The following NALF1 variants were observed in gnomAD, a reference collection of about 807,000 sequenced individuals.
The protein encoded by NALF1 is family with sequence similarity 155 member A.
Under a neutral mutation model 48.4 loss-of-function variants are expected in NALF1, and 3 were observed. The observed-to-expected ratio is 0.06, with a 90% CI of 0.03 to 0.16. NALF1 has a LOEUF of 0.16. Among genes scored for constraint, NALF1 ranks in the 10% least tolerant of loss-of-function variants. The pLI, the probability that NALF1 is intolerant of heterozygous loss-of-function variation, is 1.00. For synonymous variants in NALF1, 262 were observed against 245.7 expected (o/e 1.07, Z -0.62); for missense variants, 526 against 571.5 (o/e 0.92, Z 0.81).
intron 1 of NALF1, among the ~76,000 whole-genome samples, chr13:107,227,594 T>C (rs919616588): frequency 2.0e-5 from 3 of 152,238 alleles, no homozygotes; most frequent in Non-Finnish European, 4.4e-5. Context: ...TACTGGTGAT[T>C]TTTATGCCTT....
chr13:107,701,429 C>T (rs1410637669), intron 1 of NALF1, among the ~76,000 whole-genome samples: 1 of 152,038 alleles, frequency 6.6e-6, no homozygotes, highest in East Asian at 1.9e-4. Flanking sequence ...ATTGCATAAT[C>T]TCACTTCAAT....
At chr13:107,535,664 T>C (rs1251339260) in intron 1 of NALF1, among the ~76,000 whole-genome samples, 3 of 152,150 alleles carry the variant, frequency 2.0e-5, no homozygotes, top group East Asian at 3.9e-4. Flanking sequence ...AGGTAATTTA[T>C]AGATTTAATG....
In NALF1 at chr13:107,785,496, A is replaced by G. The variant is rs566875564; in HGVS notation, c.915+80186T>C. The stretch of plus-strand genomic sequence containing the variant: ...GTTTTCACTAGGTGGGAGCTAAGCT[A>G]TGAGGATGCAAAGGCATAAGAATGA... On this transcript the variant is annotated intron_variant, in intron 1 of 2. Transcript: ENST00000375915. Among the ~76,000 whole-genome samples the G allele has an allele frequency of 3.9e-4, 59 of 152,314 alleles. No individual in the cohort carries two copies. In the South Asian group the frequency reaches 3.9e-3, roughly 10 times the overall value.
At chr13:107,360,952 G>C (rs1883050562) in intron 1 of NALF1, among the ~76,000 whole-genome samples, 1 of 151,828 alleles carries the variant, frequency 6.6e-6, no homozygotes, top group Non-Finnish European at 1.5e-5. Context: ...TTAATTCACT[G>C]ATTGCTTATC....
chr13:107,782,585 T>C (rs1019026022), intron 1 of NALF1, among the ~76,000 whole-genome samples: 5 of 147,846 alleles, frequency 3.4e-5, no homozygotes, highest in Admixed American at 6.7e-5. Flanking sequence ...TCTGCCCGGC[T>C]GCCATCCCAT....
At chr13:107,180,448 A>G (rs1447895140) in intron 2 of NALF1, among the ~76,000 whole-genome samples, 2 of 152,098 alleles carry the variant, frequency 1.3e-5, no homozygotes, top group African/African-American at 4.8e-5. Flanking sequence ...ATTTTGACAT[A>G]GAGTCCAAGA....
intron 1 of NALF1, among the ~76,000 whole-genome samples, chr13:107,501,528 C>A (rs946153127): frequency 2.6e-5 from 4 of 152,142 alleles, no homozygotes; most frequent in African/African-American, 9.7e-5. Context: ...GATCTGCTTT[C>A]ACAGTGTCAA....
intron 1 of NALF1, among the ~76,000 whole-genome samples, chr13:107,805,589 C>T (rs1176981594): frequency 6.6e-6 from 1 of 152,080 alleles, no homozygotes; most frequent in Non-Finnish European, 1.5e-5. Flanking sequence ...ATGACCCTTG[C>T]TTTATTCCAT....
intron 1 of NALF1, among the ~76,000 whole-genome samples, chr13:107,407,670 C>T (rs1366426457): frequency 1.3e-5 from 2 of 151,838 alleles, no homozygotes; most frequent in Admixed American, 1.3e-4. Flanking sequence ...TAAATGGAAC[C>T]TACCTGGAGA....
At chr13:107,231,661 G>A (rs971770508) in intron 1 of NALF1, among the ~76,000 whole-genome samples, 8 of 152,156 alleles carry the variant, frequency 5.3e-5, no homozygotes, top group Non-Finnish European at 2.9e-5. Flanking sequence ...CTATTTTTGA[G>A]CTACGCAAAA....
intron 1 of NALF1, among the ~76,000 whole-genome samples, chr13:107,575,473 G>A (rs1878113339): frequency 6.6e-6 from 1 of 152,074 alleles, no homozygotes; most frequent in Non-Finnish European, 1.5e-5. Context: ...CCCTGACCTG[G>A]TTCTTCTATA....
At chr13:107,830,262 T>C (rs541751910) in intron 1 of NALF1, among the ~76,000 whole-genome samples, 90 of 152,348 alleles carry the variant, frequency 5.9e-4, no homozygotes, top group Admixed American at 3.6e-3. Context: ...ACTGTATCCT[T>C]CGTTCCTTTA....
chr13:107,271,885 T>C (rs73584907), intron 1 of NALF1, among the ~76,000 whole-genome samples: 11,352 of 148,430 alleles, frequency 0.076, 523 homozygotes, highest in African/African-American at 0.1. Context: ...CAAACTATGC[T>C]TTGTCGAGGA....
At chr13:107,856,135 G>C (rs1880436129) in intron 1 of NALF1, among the ~76,000 whole-genome samples, 1 of 152,152 alleles carries the variant, frequency 6.6e-6, no homozygotes, top group African/African-American at 2.4e-5. Flanking sequence ...TCAAACTCCT[G>C]AACTCAAGCG....
chr13:107,428,447 A>G (rs990590838), intron 1 of NALF1, among the ~76,000 whole-genome samples: 1 of 152,144 alleles, frequency 6.6e-6, no homozygotes, highest in Non-Finnish European at 1.5e-5. Flanking sequence ...ATCTGTAAAA[A>G]GTTGTTCTCT....
At chr13:107,625,422 T>C (rs1480039278) in intron 1 of NALF1, among the ~76,000 whole-genome samples, 1 of 152,086 alleles carries the variant, frequency 6.6e-6, no homozygotes, top group Non-Finnish European at 1.5e-5. Flanking sequence ...TTAATGTAGA[T>C]GTTATTATTA....
In NALF1 at chr13:107,809,072, G is replaced by A. The variant is rs61967471; in HGVS notation, c.915+56610C>T. Among the ~76,000 whole-genome samples, 844 of 152,120 alleles carry A rather than the reference G, an allele frequency of 5.5e-3. 6 individuals carry two copies. The highest frequency in any genetic ancestry group is 9.4e-3 in the Non-Finnish European group (637 of 67,980). On this transcript the variant is annotated intron_variant, in intron 1 of 2. Transcript: ENST00000375915. The stretch of plus-strand genomic sequence containing the variant: ...CACTCTAGAAATCCGAGCCACCGGA[G>A]TCACTTTGACTCAGGGAAGCAGATT...
At chr13:107,542,307 T>A (rs1441914512) in intron 1 of NALF1, among the ~76,000 whole-genome samples, 1 of 151,454 alleles carries the variant, frequency 6.6e-6, no homozygotes, top group Non-Finnish European at 1.5e-5. Context: ...AGTAGGTGAG[T>A]GGTTGCTTCA....
intron 1 of NALF1, among the ~76,000 whole-genome samples, chr13:107,702,249 C>G (rs1455837628): frequency 7.5e-6 from 1 of 133,772 alleles, no homozygotes; most frequent in Non-Finnish European, 1.7e-5. Flanking sequence ...TCTGGTTTCA[C>G]TCTGTAAAAA....
Sources: allele counts gnomAD v4.1 joint callset (sites outside exome capture counted in the v4.1 genomes callset), GRCh38; gene constraint gnomAD v4.1.1; transcripts MANE v1.5; gene names NCBI Gene and HGNC (gene_info 2026-07-23, HGNC 2026-07-21).